Variants in SH3PXD2B observed in about 807,000 individuals in gnomAD.
SH3PXD2B encodes the protein SH3 and PX domain-containing protein 2B.
A neutral mutation model predicts 73.1 loss-of-function variants in SH3PXD2B; 37 were observed. The observed-to-expected ratio is 0.51, with a 90% CI of 0.39 to 0.67. SH3PXD2B has a LOEUF of 0.67. Among genes scored for constraint, SH3PXD2B ranks in the 30% least tolerant of loss-of-function variants. The probability of loss-of-function intolerance (pLI) is 0.00; values close to 1 mark genes in which losing one functional copy is unlikely to be tolerated. For missense variants in SH3PXD2B, 1,053 were observed against 1,197.8 expected (o/e 0.88, Z 1.78); for synonymous variants, 457 against 480.5 (o/e 0.95, Z 0.64).
At chr5:172,389,631 T>TG (rs919456626) in intron 4 of SH3PXD2B, among the ~76,000 whole-genome samples, 41 of 143,740 alleles carry the variant, frequency 2.9e-4, no homozygotes, top group African/African-American at 1.0e-3. Context: ...GAGGCTGAGG[T>TG]GGGAGGATCA....
At chr5:172,365,437 C>T (rs768400192) in intron 6 of SH3PXD2B, among the ~76,000 whole-genome samples, 1 of 152,172 alleles carries the variant, frequency 6.6e-6, no homozygotes, top group Non-Finnish European at 1.5e-5. Context: ...TGGGGCACGA[C>T]AGTGAGAAAA....
chr5:172,360,388 TAGAA>T (rs1350884361), intron 7 of SH3PXD2B, among the ~76,000 whole-genome samples: 5 of 152,080 alleles, frequency 3.3e-5, no homozygotes, highest in African/African-American at 1.2e-4. Flanking sequence ...GTCACAAAGA[TAGAA>T]AGCAGCAGTG....
chr5:172,437,001 C>T (rs999433711), intron 1 of SH3PXD2B, among the ~76,000 whole-genome samples: 11 of 152,200 alleles, frequency 7.2e-5, no homozygotes, highest in Non-Finnish European at 8.8e-5. Context: ...AGCTCCCACA[C>T]TGGCTGGGTT....
At chr5:172,343,771 C>T (rs1329924801) in intron 12 of SH3PXD2B, among the ~76,000 whole-genome samples, 2 of 151,730 alleles carry the variant, frequency 1.3e-5, no homozygotes, top group East Asian at 1.9e-4. Flanking sequence ...TGCCATTACA[C>T]TCTAGCCTGG....
intron 5 of SH3PXD2B, among the ~76,000 whole-genome samples, chr5:172,381,170 G>A (rs1355833766): frequency 2.0e-5 from 3 of 152,182 alleles, no homozygotes; most frequent in Admixed American, 6.5e-5. Flanking sequence ...CCTTGGTTAC[G>A]GCTGCTGCCT....
chr5:172,424,629 G>C (rs754092823), intron 1 of SH3PXD2B, among the ~76,000 whole-genome samples: 2 of 152,220 alleles, frequency 1.3e-5, no homozygotes, highest in Non-Finnish European at 2.9e-5. Flanking sequence ...AGGTGACCTT[G>C]AATGCCACGC....
intron 1 of SH3PXD2B, among the ~76,000 whole-genome samples, chr5:172,430,482 C>G (rs970537555): frequency 6.6e-6 from 1 of 152,254 alleles, no homozygotes; most frequent in Non-Finnish European, 1.5e-5. Flanking sequence ...GGGGAAGGCC[C>G]TGACACCCCC....
At chr5:172,350,792 A>C (rs1430881121) in intron 9 of SH3PXD2B, among the ~76,000 whole-genome samples, 1 of 151,950 alleles carries the variant, frequency 6.6e-6, no homozygotes, top group Non-Finnish European at 1.5e-5. Context: ...GGCCTTTCCA[A>C]CCCGGCCTCT....
chr5:172,418,421 C>A (rs1300868886), intron 2 of SH3PXD2B, among the ~76,000 whole-genome samples: 1 of 152,242 alleles, frequency 6.6e-6, no homozygotes, highest in African/African-American at 2.4e-5. Context: ...CTGACTGAGT[C>A]CTCTGCTTTT....
chr5:172,337,922 A>G lies in SH3PXD2B; in HGVS notation c.*447T>C, dbSNP rs1756742052. Reference sequence around the variant, plus strand: ...GAGTGAATAAAGCCACTGGGCTTTTAGAAACATGAAGAAGTTGGAGCAAAA... The same window carrying G: ...GAGTGAATAAAGCCACTGGGCTTTTGGAAACATGAAGAAGTTGGAGCAAAA... On this transcript the variant is annotated 3_prime_UTR_variant, in exon 13 of 13. Transcript: ENST00000311601. 9.7e-7 allele frequency: 1 copy of G among 1,035,010 alleles called. No homozygotes were observed. The highest frequency in any genetic ancestry group is 1.7e-5 in the African/African-American group (1 of 58,628). The allele number at this position is 1,035,010 out of a possible 1,614,324, so 64.1% of individuals were successfully genotyped here.
At chr5:172,347,018 A>G (rs1163521070) in intron 11 of SH3PXD2B, among the ~76,000 whole-genome samples, 2 of 152,136 alleles carry the variant, frequency 1.3e-5, no homozygotes, top group African/African-American at 2.4e-5. Flanking sequence ...AGACCAAGAG[A>G]AGGGCCCAGG....
intron 9 of SH3PXD2B, among the ~76,000 whole-genome samples, chr5:172,351,224 G>A (rs1757153631): frequency 6.6e-6 from 1 of 152,098 alleles, no homozygotes; most frequent in African/African-American, 2.4e-5. Flanking sequence ...TGAACTCCTG[G>A]GCTCAAGCGA....
intron 2 of SH3PXD2B, among the ~76,000 whole-genome samples, chr5:172,415,195 A>T (rs985270679): frequency 2.6e-5 from 4 of 152,204 alleles, no homozygotes; most frequent in African/African-American, 9.7e-5. Context: ...GGCTCCAGTG[A>T]TGACCATGAC....
At chr5:172,325,272 G>T (rs953236158) in exon 13 of SH3PXD2B, 57 of 1,532,060 alleles carry the variant, frequency 3.7e-5, no homozygotes, top group Non-Finnish European at 4.8e-5. Flanking sequence ...ACATGACGTG[G>T]TTCTCACATC....
chr5:172,333,452 G>A (rs371118811), downstream of SH3PXD2B: 375 of 1,085,926 alleles, frequency 3.5e-4, 1 homozygote, highest in African/African-American at 5.7e-3. Context: ...AGGCCACAAA[G>A]CTATGTACCC....
chr5:172,449,416 G>T (rs190086906), intron 1 of SH3PXD2B, among the ~76,000 whole-genome samples: 58 of 152,304 alleles, frequency 3.8e-4, no homozygotes, highest in Admixed American at 1.2e-3. Flanking sequence ...ACTCCTTGCT[G>T]TGTGACCTCA....
At chr5:172,401,079 C>A (rs1387981412) in intron 3 of SH3PXD2B, among the ~76,000 whole-genome samples, 1 of 152,184 alleles carries the variant, frequency 6.6e-6, no homozygotes, top group African/African-American at 2.4e-5. Context: ...CAATTCCACC[C>A]AAATGTGGAA....
intron 2 of SH3PXD2B, among the ~76,000 whole-genome samples, chr5:172,416,696 CTTTTTTTTTTTTTT>C (rs202242720): frequency 0.021 from 1,306 of 62,322 alleles, 16 homozygotes; most frequent in African/African-American, 0.027. Context: ...CTCTCTCTCT[CTTTTTTTTTTTTTT>C]TTTTTTTTTT....
Position 172,337,874 on chromosome 5 carries a change from T to C in SH3PXD2B, c.*495A>G, listed in dbSNP as rs542744740. Reference sequence around the variant, plus strand: ...TGCATTTCTTCAGGATGAAGTTCCTTCTGGTAGCAGGCAATTTAGGAGGAG... The same window carrying C: ...TGCATTTCTTCAGGATGAAGTTCCTCCTGGTAGCAGGCAATTTAGGAGGAG... On this transcript the variant is annotated 3_prime_UTR_variant, in exon 13 of 13. Coordinates refer to ENST00000311601, the MANE Select transcript of SH3PXD2B (RefSeq NM_001017995.3). The C allele has an allele frequency of 3.5e-5, 35 of 1,008,388 alleles. 1 individual carries two copies. In the South Asian group the frequency reaches 9.6e-4, roughly 28 times the overall value. 62.5% of individuals were successfully genotyped at this position (1,008,388 alleles called of 1,614,324 possible).
Sources: allele counts gnomAD v4.1 joint callset (sites outside exome capture counted in the v4.1 genomes callset), GRCh38; gene constraint gnomAD v4.1.1; transcripts MANE v1.5; gene names NCBI Gene and HGNC (gene_info 2026-07-23, HGNC 2026-07-21).